CADPS: variants seen among roughly 807,000 people sequenced by gnomAD.
CADPS encodes calcium-dependent secretion activator 1.
In CADPS, 57 loss-of-function variants were observed where a neutral mutation model predicts 167.3. That is an observed-to-expected ratio of 0.34 (90% CI 0.28 to 0.42). The LOEUF (loss-of-function observed/expected upper bound fraction) is 0.42. Among genes scored for constraint, CADPS ranks in the 20% least tolerant of loss-of-function variants. The probability of loss-of-function intolerance (pLI) is 1.00; values close to 1 mark genes in which losing one functional copy is unlikely to be tolerated. For synonymous variants in CADPS, 676 were observed against 635.3 expected, an observed-to-expected ratio of 1.06 and a Z score of -0.96; for missense variants, 1,414 against 1,738.1, an observed-to-expected ratio of 0.81 and a Z score of 3.32.
At chr3:62,840,625 A>G (rs193113209) in intron 1 of CADPS, among the ~76,000 whole-genome samples, 9 of 152,258 alleles carry the variant, frequency 5.9e-5, no homozygotes, top group East Asian at 1.9e-4. Flanking sequence ...GCAAACTTTC[A>G]TATGTACAGA....
intron 7 of CADPS, among the ~76,000 whole-genome samples, chr3:62,589,632 G>T (rs934464977): frequency 2.6e-5 from 4 of 152,182 alleles, no homozygotes; most frequent in African/African-American, 9.7e-5. Flanking sequence ...GCCTCAGTAG[G>T]GTTGTCTTGA....
chr3:62,403,978 C>T (rs1298944042), intron 28 of CADPS: 1 of 152,224 alleles, frequency 6.6e-6, no homozygotes, highest in Non-Finnish European at 1.5e-5. Flanking sequence ...ACTGCCACCC[C>T]TGTGGTGCAG....
chr3:62,588,447 C>T (rs1356443731), intron 7 of CADPS, among the ~76,000 whole-genome samples: 1 of 152,030 alleles, frequency 6.6e-6, no homozygotes, highest in Non-Finnish European at 1.5e-5. Context: ...TGATTGGACA[C>T]AGAGGGCCTA....
chr3:62,465,356 T>C lies in CADPS; in HGVS notation c.3636+11A>G. 6.3e-7 allele frequency: 1 copy of C among 1,581,692 alleles called. No homozygotes were observed. ...AACAAAAGCCAGGAAATAAAGAAGC[T>C]CTTTACTTACGGTAAATGACAGAAA... On this transcript the variant is annotated intron_variant, in intron 26 of 29. Transcript: ENST00000383710. This position sits in a 1 kb window ranked among gnomAD's most constrained non-coding sequence, Gnocchi z 4.1.
intron 3 of CADPS, among the ~76,000 whole-genome samples, chr3:62,734,185 A>T (rs1464477082): frequency 6.6e-6 from 1 of 152,164 alleles, no homozygotes; most frequent in Non-Finnish European, 1.5e-5. Context: ...CTATGTACCC[A>T]TTCATAAATA....
At chr3:62,646,041 T>C (rs1421851027) in intron 5 of CADPS, among the ~76,000 whole-genome samples, 198 bp from the exon 6 acceptor site, 1 of 152,124 alleles carries the variant, frequency 6.6e-6, no homozygotes, top group Non-Finnish European at 1.5e-5. Flanking sequence ...GCCTGCCAGA[T>C]AGAAAGACAA....
In CADPS at chr3:62,481,764, A is replaced by G; in HGVS notation, c.3132T>C (p.Thr1044=). ...CAGCCATCCATGACGGTGCCGAAAA[A>G]GTAGGCATTTGTGGGATGCCTAGAG... ...NIPLGIPQMP[T]FSAPSWMAAI... Residue 1044 remains threonine (T), a synonymous_variant, in exon 22 of 30, where the codon ACT becomes ACC. Transcript: ENST00000383710. The G allele has an allele frequency of 1.2e-6, 2 of 1,609,404 alleles. No individual in the cohort carries two copies. Among genetic ancestry groups the G allele is most frequent in the East Asian group, 4.5e-5 (2 of 44,712 alleles).
chr3:62,495,827 T>A (rs564068711), intron 18 of CADPS, among the ~76,000 whole-genome samples: 6 of 152,340 alleles, frequency 3.9e-5, no homozygotes, highest in Non-Finnish European at 8.8e-5. Context: ...GAGATAACTG[T>A]GACCACTGCT....
intron 28 of CADPS, among the ~76,000 whole-genome samples, chr3:62,415,379 C>T (rs557346344): frequency 6.6e-6 from 1 of 152,142 alleles, no homozygotes; most frequent in South Asian, 2.1e-4. Context: ...TGTTCCTTGC[C>T]ATGAACCCTG....
At chr3:62,556,063 C>T (rs1302106493) in intron 10 of CADPS, among the ~76,000 whole-genome samples, 1 of 152,140 alleles carries the variant, frequency 6.6e-6, no homozygotes, top group African/African-American at 2.4e-5. Context: ...AAATAAAAGT[C>T]CTAAGGAGGA....
intron 6 of CADPS, among the ~76,000 whole-genome samples, chr3:62,644,204 A>G (rs1441356553): frequency 6.6e-6 from 1 of 152,190 alleles, no homozygotes; most frequent in African/African-American, 2.4e-5. Flanking sequence ...ACAGCTCATA[A>G]TGCTCTGGGG....
At chr3:62,675,091 C>T (rs1317260122) in intron 3 of CADPS, among the ~76,000 whole-genome samples, 1 of 151,978 alleles carries the variant, frequency 6.6e-6, no homozygotes, top group Non-Finnish European at 1.5e-5. Flanking sequence ...GACTCTCTTC[C>T]ACAGAATTAC....
chr3:62,528,071 GT>G (rs1357415534), intron 13 of CADPS, among the ~76,000 whole-genome samples: 1 of 151,868 alleles, frequency 6.6e-6, no homozygotes, highest in African/African-American at 2.4e-5. Flanking sequence ...GGCCATATTA[GT>G]TTTGGCCATC....
chr3:62,541,201 G>A (rs62243506), intron 11 of CADPS, among the ~76,000 whole-genome samples: 2 of 152,062 alleles, frequency 1.3e-5, no homozygotes, highest in Non-Finnish European at 2.9e-5. Context: ...ATCTTTACCT[G>A]TGTCAGACCT....
At chr3:62,550,482 T>C (rs555715913) in intron 10 of CADPS, among the ~76,000 whole-genome samples, 1 of 152,282 alleles carries the variant, frequency 6.6e-6, no homozygotes, top group East Asian at 1.9e-4. Context: ...TACTGTCCTA[T>C]TGTTCTTCTC....
intron 18 of CADPS, chr3:62,498,131 G>T (rs1464874103): frequency 2.2e-6 from 1 of 456,486 alleles, no homozygotes; most frequent in South Asian, 1.5e-5. Context: ...TGGTTCATTC[G>T]GTTTAGTCAC....
intron 28 of CADPS, among the ~76,000 whole-genome samples, chr3:62,435,051 AT>A (rs1201522452): frequency 6.6e-6 from 1 of 152,104 alleles, no homozygotes; most frequent in East Asian, 1.9e-4. Context: ...GGAGATATAT[AT>A]TTTTTTCTTC....
intron 9 of CADPS, among the ~76,000 whole-genome samples, chr3:62,569,262 G>A (rs576714322): frequency 1.3e-5 from 2 of 152,138 alleles, no homozygotes; most frequent in African/African-American, 4.8e-5. Flanking sequence ...CACCATACCC[G>A]GCTAATTTTT....
chr3:62,594,207 G>T, intron 6 of CADPS, among the ~76,000 whole-genome samples: 1 of 147,840 alleles, frequency 6.8e-6, no homozygotes. Context: ...TGTCGCCCAG[G>T]CTGGAGTGCA....
Sources: allele counts gnomAD v4.1 joint callset (sites outside exome capture counted in the v4.1 genomes callset), GRCh38; gene constraint gnomAD v4.1.1; non-coding constraint Gnocchi (gnomAD v3.1); transcripts MANE v1.5; gene names NCBI Gene and HGNC (gene_info 2026-07-23, HGNC 2026-07-21).